XKRX: variants seen among roughly 807,000 people sequenced by gnomAD.
The protein encoded by XKRX is XK-related protein 2.
Under a neutral mutation model 22.4 loss-of-function variants are expected in XKRX, and 11 were observed. That is an observed-to-expected ratio of 0.49 (90% CI 0.31 to 0.81). The LOEUF is 0.81. Ranked by LOEUF, XKRX falls within the 40% of genes least tolerant of loss-of-function variation. The pLI is 0.05. For synonymous variants in XKRX, 114 were observed against 132.2 expected, an observed-to-expected ratio of 0.86 and a Z score of 0.94; for missense variants, 320 against 336.5, an observed-to-expected ratio of 0.95 and a Z score of 0.38.
chrX:100,915,688 C>CTGTG (rs749763658), intron 2 of XKRX, among the ~76,000 whole-genome samples: 9,768 of 102,356 alleles, frequency 0.095, 1,055 homozygotes, highest in African/African-American at 0.31. Context: ...GTGGGTGTGT[C>CTGTG]TGTGTGTGTG....
the XKRX span, among the ~76,000 whole-genome samples, chrX:100,954,335 C>G: frequency 4.5e-5 from 5 of 110,275 alleles, no homozygotes; most frequent in African/African-American, 1.7e-4. Flanking sequence ...AGGAGAATCA[C>G]TTGAACCTGG....
the XKRX span, among the ~76,000 whole-genome samples, chrX:100,905,030 G>A: frequency 8.9e-6 from 1 of 111,909 alleles, no homozygotes. Context: ...AGTATAAAAT[G>A]CTCACTGACT....
upstream of XKRX, chrX:100,928,928 G>A: frequency 1.5e-6 from 1 of 658,954 alleles, no homozygotes; most frequent in Non-Finnish European, 1.8e-6. Context: ...CCGAGTCCAG[G>A]GTTCTCAGGA....
the XKRX span, among the ~76,000 whole-genome samples, chrX:100,904,461 A>T: frequency 8.9e-6 from 1 of 112,620 alleles, no homozygotes; most frequent in Admixed American, 9.4e-5. Context: ...TTTAGATACA[A>T]TACCAAAGGT....
At chrX:100,895,118 G>A in the XKRX span, among the ~76,000 whole-genome samples, 1 of 112,016 alleles carries the variant, frequency 8.9e-6, no homozygotes, top group African/African-American at 3.2e-5. Flanking sequence ...CCACTTCAAA[G>A]TATATACTAA....
the XKRX span, among the ~76,000 whole-genome samples, chrX:100,942,418 C>G: frequency 2.2e-5 from 1 of 44,581 alleles, no homozygotes; most frequent in Non-Finnish European, 4.1e-5. Flanking sequence ...CTTTCTTACT[C>G]TATCTCACAT....
the XKRX span, among the ~76,000 whole-genome samples, chrX:100,948,565 CCTTT>C: frequency 8.9e-6 from 1 of 112,394 alleles, no homozygotes; most frequent in Non-Finnish European, 1.9e-5. Context: ...AAAAAGAGCC[CCTTT>C]CTGTTTCCTT....
chrX:100,924,005 GTTTT>G (rs10600680), intron 1 of XKRX, among the ~76,000 whole-genome samples: 15,967 of 77,059 alleles, frequency 0.21, 1,286 homozygotes, highest in African/African-American at 0.29. Context: ...TCCGGCTAAG[GTTTT>G]TTTTTTTTTT....
At chrX:100,910,798 C>T (rs183278781), downstream of XKRX, 10 of 770,397 alleles carry the variant, frequency 1.3e-5, no homozygotes, top group African/African-American at 1.5e-4. Flanking sequence ...GAAGGAAAGT[C>T]GAGAGGCTAC....
the XKRX span, among the ~76,000 whole-genome samples, chrX:100,952,586 G>A: frequency 1.5e-4 from 17 of 111,056 alleles, no homozygotes; most frequent in Non-Finnish European, 3.0e-4. Flanking sequence ...ATCCTCAGAC[G>A]ACATGACTGT....
At chrX:100,907,169 C>A in the XKRX span, among the ~76,000 whole-genome samples, 1 of 111,130 alleles carries the variant, frequency 9.0e-6, no homozygotes, top group Non-Finnish European at 1.9e-5. Context: ...ACATTTTATT[C>A]TTCAACTTGC....
At chrX:100,953,907 A>G in the XKRX span, among the ~76,000 whole-genome samples, 1,013 of 59,392 alleles carry the variant, frequency 0.017, 4 homozygotes, top group Non-Finnish European at 0.029. Context: ...AGACTCTAAA[A>G]AAAAAAAAAA....
chrX:100,955,132 G>A, the XKRX span, among the ~76,000 whole-genome samples: 6 of 111,705 alleles, frequency 5.4e-5, no homozygotes, highest in Admixed American at 1.9e-4. Context: ...TGGTGTGGGC[G>A]TGGACAGGAA....
At chrX:100,946,001 A>G in the XKRX span, among the ~76,000 whole-genome samples, 1 of 108,853 alleles carries the variant, frequency 9.2e-6, no homozygotes, top group Non-Finnish European at 1.9e-5. Flanking sequence ...CCTGGCCAAC[A>G]TGGTGAAACC....
At chrX:100,910,585 T>TAA (rs36011977), downstream of XKRX, 2,314 of 147,318 alleles carry the variant, frequency 0.016, 26 homozygotes, top group African/African-American at 0.05. Context: ...AATTCCGTCT[T>TAA]AAAAAAAAAA....
At position 100,914,190 on chromosome X, in the gene XKRX, G is replaced by T. The variant is rs867335770; in HGVS notation, c.*148C>A. 4.8e-5 allele frequency: 31 copies of T among 645,609 alleles called. No homozygotes were observed. The Middle Eastern group carries it at 1.7e-3, about 36-fold the overall frequency. 53.2% of individuals were successfully genotyped at this position (645,609 alleles called of 1,213,427 possible). On this transcript the variant is annotated 3_prime_UTR_variant, in exon 3 of 3. Transcript: ENST00000372956. ...ACTCTTAAGAAAATAAAACCTATTT[G>T]GGAGTTGCTCTTTCTTCTGATAGGC...
At chrX:100,927,877 G>A in intron 1 of XKRX, 93 bp downstream of exon 1, 2 of 1,034,323 alleles carry the variant, frequency 1.9e-6, no homozygotes, top group Non-Finnish European at 2.6e-6. Context: ...ATTGATTAGA[G>A]CCATAGTATC....
At chrX:100,943,783 T>A in the XKRX span, among the ~76,000 whole-genome samples, 1 of 112,233 alleles carries the variant, frequency 8.9e-6, no homozygotes, top group Non-Finnish European at 1.9e-5. Flanking sequence ...AACTGCTGCA[T>A]GGAATCCCAT....
At chrX:100,888,966 C>T in the XKRX span, among the ~76,000 whole-genome samples, 1 of 110,925 alleles carries the variant, frequency 9.0e-6, no homozygotes, top group Non-Finnish European at 1.9e-5. Flanking sequence ...TGGCTGGGTG[C>T]AGTGGCTCAT....
Sources: allele counts gnomAD v4.1 joint callset (sites outside exome capture counted in the v4.1 genomes callset), GRCh38; gene constraint gnomAD v4.1.1; transcripts MANE v1.5; gene names NCBI Gene and HGNC (gene_info 2026-07-23, HGNC 2026-07-21).